Variants in SARNP observed in about 807,000 individuals in gnomAD.
SARNP encodes the protein SAP domain containing ribonucleoprotein, also known as SAP domain-containing ribonucleoprotein.
A neutral mutation model predicts 38.1 loss-of-function variants in SARNP; 5 were observed. The observed-to-expected ratio is 0.13, with a 90% CI of 0.07 to 0.28. SARNP has a LOEUF of 0.28. Ranked by LOEUF, SARNP falls within the 10% of genes least tolerant of loss-of-function variation. The pLI, the probability that SARNP is intolerant of heterozygous loss-of-function variation, is 1.00. For synonymous variants in SARNP, 84 were observed against 80.6 expected, an observed-to-expected ratio of 1.04 and a Z score of -0.23; for missense variants, 180 against 243.9, an observed-to-expected ratio of 0.74 and a Z score of 1.75.
intron 4 of SARNP, among the ~76,000 whole-genome samples, chr12:55,799,232 CT>C (rs1879907561): frequency 6.6e-6 from 1 of 152,140 alleles, no homozygotes; most frequent in Non-Finnish European, 1.5e-5. Context: ...TGACTTTTTA[CT>C]TGTAAATACA....
At chr12:55,778,377 C>T (rs1435089925) in intron 9 of SARNP, among the ~76,000 whole-genome samples, 1 of 152,162 alleles carries the variant, frequency 6.6e-6, no homozygotes, top group South Asian at 2.1e-4. Context: ...AAACTCCTGA[C>T]CTGAGGTGAT....
chr12:55,803,171 T>G (rs1880034946), intron 2 of SARNP, among the ~76,000 whole-genome samples: 1 of 152,044 alleles, frequency 6.6e-6, no homozygotes, highest in Admixed American at 6.6e-5. Context: ...ATAGAGGACT[T>G]GTACAACCTA....
intron 1 of SARNP, among the ~76,000 whole-genome samples, chr12:55,808,897 A>G (rs1880239748): frequency 6.6e-6 from 1 of 152,214 alleles, no homozygotes; most frequent in Admixed American, 6.5e-5. Context: ...AGGAACTAAC[A>G]TAAAATCTTA....
chr12:55,770,195 AGAGAG>A lies in SARNP; in HGVS notation c.502-9560_502-9556del, dbSNP rs1878963642. ...ACTCAATGTCCTCAGAAGAAAAAAG[AGAGAG>A]GAAAGAGTCATCAGGTTATAACTAG... On this transcript the variant is annotated intron_variant, in intron 9 of 10. Transcript: ENST00000336133. 2.0e-5 allele frequency among the ~76,000 whole-genome samples: 3 copies of A among 152,028 alleles called. 1 individual carries two copies. The highest frequency in any genetic ancestry group is 2.0e-4 in the Admixed American group (3 of 15,242).
chr12:55,767,672 C>G (rs1248871482), intron 9 of SARNP, among the ~76,000 whole-genome samples: 2 of 151,384 alleles, frequency 1.3e-5, no homozygotes, highest in Non-Finnish European at 2.9e-5. Flanking sequence ...ACGGTGAAAC[C>G]CCGTCTCTAC....
intron 9 of SARNP, among the ~76,000 whole-genome samples, chr12:55,766,445 C>A (rs1263929772): frequency 2.9e-4 from 44 of 152,102 alleles, no homozygotes; most frequent in Non-Finnish European, 8.8e-5. Flanking sequence ...CCAAGCCAAC[C>A]GACAGATGCC....
chr12:55,774,558 TG>T (rs149803548), intron 9 of SARNP, among the ~76,000 whole-genome samples: 20,163 of 40,276 alleles, frequency 0.5, 4,970 homozygotes, highest in African/African-American at 0.65. Context: ...CCGTCTCTAC[TG>T]AAAAAAAAAA....
chr12:55,799,657 A>G (rs536400218), intron 4 of SARNP, among the ~76,000 whole-genome samples: 20 of 140,682 alleles, frequency 1.4e-4, no homozygotes, highest in African/African-American at 5.3e-4. Flanking sequence ...AGGTTCAAGC[A>G]ATTCTCCTGC....
At chr12:55,765,941 G>A (rs556448410) in intron 9 of SARNP, among the ~76,000 whole-genome samples, 5 of 152,092 alleles carry the variant, frequency 3.3e-5, no homozygotes, top group East Asian at 1.9e-4. Flanking sequence ...GGAAACAAAC[G>A]TACAATAAAC....
intron 9 of SARNP, among the ~76,000 whole-genome samples, chr12:55,771,641 T>C (rs1879010804): frequency 6.6e-6 from 1 of 152,118 alleles, no homozygotes; most frequent in Admixed American, 6.5e-5. Context: ...CCTAGAGTGA[T>C]GGAAGAGAGG....
At chr12:55,759,577 A>AT (rs1018142390) in intron 10 of SARNP, among the ~76,000 whole-genome samples, 3 of 151,980 alleles carry the variant, frequency 2.0e-5, no homozygotes, top group Admixed American at 6.6e-5. Context: ...CACCTGGCTA[A>AT]TTTTTTTAAA....
chr12:55,803,494 AAG>A (rs200781330), intron 2 of SARNP, 133 bp downstream of exon 2: 5,945 of 516,740 alleles, frequency 0.012, 24 homozygotes, highest in Non-Finnish European at 0.016. Context: ...AAAAAAAAAA[AAG>A]AGAGAGTTTT....
downstream of SARNP, chr12:55,756,632 A>G (rs1878512635): frequency 6.6e-6 from 1 of 152,248 alleles, no homozygotes; most frequent in Admixed American, 6.5e-5. Flanking sequence ...TTCTGCAATA[A>G]CATATCCAAA....
At chr12:55,787,510 C>A (rs2136193132) in intron 9 of SARNP, among the ~76,000 whole-genome samples, 1 of 152,238 alleles carries the variant, frequency 6.6e-6, no homozygotes, top group Middle Eastern at 3.4e-3. Context: ...GATCTCGGCT[C>A]ACTACAACCT....
chr12:55,782,542 G>A lies in SARNP; in HGVS notation c.501+6533C>T, dbSNP rs550216627. ...TCCTCTGACTACAAATAGATTAACT[G>A]AGCTGGCTTTATTCCCTCTATCCAT... On this transcript the variant is annotated intron_variant, in intron 9 of 10. Transcript: ENST00000336133. Among the ~76,000 whole-genome samples the A allele has an allele frequency of 8.8e-4, 134 of 152,220 alleles. 1 individual carries two copies. Among genetic ancestry groups the A allele is most frequent in the African/African-American group, 3.2e-3 (131 of 41,536 alleles).
chr12:55,811,492 T>A (rs551246359), intron 1 of SARNP, among the ~76,000 whole-genome samples: 63 of 151,690 alleles, frequency 4.2e-4, no homozygotes, highest in African/African-American at 1.4e-3. Flanking sequence ...ATCACTTGAG[T>A]CCAGAAGACT....
At chr12:55,798,341 T>C (rs1191377093) in intron 4 of SARNP, among the ~76,000 whole-genome samples, 1 of 151,758 alleles carries the variant, frequency 6.6e-6, no homozygotes, top group Non-Finnish European at 1.5e-5. Flanking sequence ...CTACAAAAAA[T>C]ACAAAAAAAG....
intron 9 of SARNP, among the ~76,000 whole-genome samples, chr12:55,772,712 C>T (rs1185464119): frequency 7.7e-6 from 1 of 130,302 alleles, no homozygotes; most frequent in Non-Finnish European, 1.6e-5. Flanking sequence ...GAAGCTGAAA[C>T]TTTTTTTTTT....
chr12:55,800,498 C>T, intron 4 of SARNP, 64 bp downstream of exon 4: 1 of 1,117,782 alleles, frequency 8.9e-7, no homozygotes, highest in Non-Finnish European at 1.3e-6. Flanking sequence ...CAAAGTTAAA[C>T]ATTAAATACA....
Sources: allele counts gnomAD v4.1 joint callset (sites outside exome capture counted in the v4.1 genomes callset), GRCh38; gene constraint gnomAD v4.1.1; transcripts MANE v1.5; gene names NCBI Gene and HGNC (gene_info 2026-07-23, HGNC 2026-07-21).